The following PALS2 variants were observed in gnomAD, a reference collection of about 807,000 sequenced individuals.
PALS2 encodes protein associated with LIN7 2, MAGUK p55 family member.
In PALS2, 27 loss-of-function variants were observed where a neutral mutation model predicts 61.6. That is an observed-to-expected ratio of 0.44 (90% CI 0.32 to 0.60). The LOEUF is 0.60. PALS2 is among the 20% of genes least tolerant of loss of function. The pLI, the probability that PALS2 is intolerant of heterozygous loss-of-function variation, is 0.05. For synonymous variants in PALS2, 236 were observed against 218.6 expected, an observed-to-expected ratio of 1.08 and a Z score of -0.70; for missense variants, 554 against 639.4, an observed-to-expected ratio of 0.87 and a Z score of 1.44.
At chr7:24,608,213 T>A (rs1474585298) in intron 1 of PALS2, among the ~76,000 whole-genome samples, 1 of 152,166 alleles carries the variant, frequency 6.6e-6, no homozygotes, top group Non-Finnish European at 1.5e-5. Context: ...CATGCAGGTT[T>A]GATTATTGTT....
In PALS2 at chr7:24,624,837, A is replaced by T. The variant is rs1784673110; in HGVS notation, c.117+1053A>T. On this transcript the variant is annotated intron_variant, in intron 2 of 11. Transcript: ENST00000222644. ...GGCGCAGGCTGGTCTCGAACTCCTG[A>T]CCTCACATGATCCACCCACCTTGGC... 1.3e-5 allele frequency among the ~76,000 whole-genome samples: 2 copies of T among 151,658 alleles called. 1 individual carries two copies. Among genetic ancestry groups the T allele is most frequent in the Admixed American group, 1.3e-4 (2 of 15,216 alleles).
intron 11 of PALS2, among the ~76,000 whole-genome samples, chr7:24,681,135 A>C (rs1787904460): frequency 6.6e-6 from 1 of 152,200 alleles, no homozygotes; most frequent in Non-Finnish European, 1.5e-5. Context: ...CGAGATCATT[A>C]ACAGGCATGT....
At chr7:24,672,601 C>T (rs1490867694) in intron 9 of PALS2, among the ~76,000 whole-genome samples, 2 of 152,150 alleles carry the variant, frequency 1.3e-5, no homozygotes, top group African/African-American at 4.8e-5. Flanking sequence ...TTATGGTTTT[C>T]ATTGTACAAA....
At chr7:24,678,877 C>T (rs190958797) in intron 9 of PALS2, among the ~76,000 whole-genome samples, 1 of 152,264 alleles carries the variant, frequency 6.6e-6, no homozygotes, top group East Asian at 1.9e-4. Context: ...TTTTAGGCTT[C>T]GCAGTCCATA....
chr7:24,690,122 T>G lies in PALS2; in HGVS notation c.*2508T>G, dbSNP rs999808938. 15 of 152,356 alleles carry G rather than the reference T, an allele frequency of 9.8e-5. No homozygotes were observed. Among genetic ancestry groups the G allele is most frequent in the Admixed American group, 4.6e-4 (7 of 15,300 alleles). 9.4% of individuals were successfully genotyped at this position (152,356 alleles called of 1,614,324 possible). A position where few individuals can be genotyped will look rare whatever the true frequency, so the allele number is the denominator to read the frequency against. ...TTTCTCCTAATATAAAATGAAATGA[T>G]GCAGTTTAGTTCATTTCAGTCTAGA... is the stretch of plus-strand genomic sequence containing the variant. On this transcript the variant is annotated 3_prime_UTR_variant, in exon 12 of 12. Transcript: ENST00000222644.
intron 1 of PALS2, among the ~76,000 whole-genome samples, chr7:24,621,966 C>G (rs998242621): frequency 2.0e-5 from 3 of 151,952 alleles, no homozygotes; most frequent in Admixed American, 6.6e-5. Context: ...TGTCTTGGCA[C>G]ATTGTCAGAA....
chr7:24,591,574 T>C (rs1184546478), intron 1 of PALS2, among the ~76,000 whole-genome samples: 3 of 152,136 alleles, frequency 2.0e-5, no homozygotes, highest in African/African-American at 7.2e-5. Context: ...ACTAATTTTG[T>C]GTTAGAGATA....
chr7:24,687,026 T>C lies in PALS2; in HGVS notation c.1447-412T>C, dbSNP rs1321745660. On this transcript the variant is annotated intron_variant, in intron 11 of 11. Transcript: ENST00000222644. This position sits in a 1 kb window ranked among gnomAD's most constrained non-coding sequence, Gnocchi z 4.5. ...GAGGTAGCAAGTTTGGCTTTGAGCT[T>C]AACAGCCACTGCAAATTGGGTACCA... 6.6e-6 allele frequency among the ~76,000 whole-genome samples: 1 copy of C among 152,208 alleles called. No individual in the cohort carries two copies. Among genetic ancestry groups the C allele is most frequent in the Non-Finnish European group, 1.5e-5 (1 of 68,026 alleles).
chr7:24,629,493 C>G (rs929960854), intron 2 of PALS2, among the ~76,000 whole-genome samples: 1 of 151,940 alleles, frequency 6.6e-6, no homozygotes, highest in Admixed American at 6.6e-5. Flanking sequence ...CAAATGGGAT[C>G]TAACTAAAGA....
intron 1 of PALS2, among the ~76,000 whole-genome samples, chr7:24,615,816 A>G (rs1289579193): frequency 6.6e-6 from 1 of 152,146 alleles, no homozygotes; most frequent in African/African-American, 2.4e-5. Flanking sequence ...CCTCAACAAT[A>G]TTATCAAACC....
At chr7:24,648,769 G>A (rs1274618583) in intron 3 of PALS2, among the ~76,000 whole-genome samples, 1 of 151,866 alleles carries the variant, frequency 6.6e-6, no homozygotes, top group Non-Finnish European at 1.5e-5. Flanking sequence ...GCTGGGCATG[G>A]TGGCATGCGC....
chr7:24,660,104 G>C (rs1417170036), intron 5 of PALS2, among the ~76,000 whole-genome samples: 1 of 152,144 alleles, frequency 6.6e-6, no homozygotes, highest in African/African-American at 2.4e-5. Flanking sequence ...CATCTTGAAA[G>C]ACATTGTTTC....
intron 1 of PALS2, among the ~76,000 whole-genome samples, chr7:24,609,871 C>G (rs17149758): frequency 0.14 from 21,447 of 152,056 alleles, 2,009 homozygotes; most frequent in East Asian, 0.47. Flanking sequence ...TGTGCCTGCA[C>G]TTTGTTGTTG....
chr7:24,624,605 C>CTTCTTCTTTTT (rs1554302487), intron 2 of PALS2, among the ~76,000 whole-genome samples: 26 of 86,358 alleles, frequency 3.0e-4, no homozygotes, highest in African/African-American at 1.7e-3. Context: ...GCAGATTCTT[C>CTTCTTCTTTTT]TTTTTTTTTT....
chr7:24,616,961 G>A (rs1401845252), intron 1 of PALS2, among the ~76,000 whole-genome samples: 2 of 152,092 alleles, frequency 1.3e-5, no homozygotes, highest in Non-Finnish European at 2.9e-5. Flanking sequence ...TATCTCCCAA[G>A]ACTTGGGAAG....
At chr7:24,626,811 A>G (rs1784765459) in intron 2 of PALS2, among the ~76,000 whole-genome samples, 1 of 152,248 alleles carries the variant, frequency 6.6e-6, no homozygotes, top group African/African-American at 2.4e-5. Flanking sequence ...CAATGCAACA[A>G]GAAGAGCTAA....
At chr7:24,636,114 A>G (rs2128066706) in intron 2 of PALS2, among the ~76,000 whole-genome samples, 1 of 151,200 alleles carries the variant, frequency 6.6e-6, no homozygotes, top group African/African-American at 2.4e-5. Flanking sequence ...CAGGAGGCTG[A>G]GGCAGGAGAA....
At chr7:24,630,025 C>T (rs921374275) in intron 2 of PALS2, among the ~76,000 whole-genome samples, 7 of 152,110 alleles carry the variant, frequency 4.6e-5, no homozygotes, top group Non-Finnish European at 7.3e-5. Flanking sequence ...GACACATGCA[C>T]ATGTATGTTT....
intron 1 of PALS2, among the ~76,000 whole-genome samples, chr7:24,580,823 A>G (rs1010278904): frequency 1.2e-4 from 18 of 152,202 alleles, no homozygotes; most frequent in African/African-American, 4.3e-4. Context: ...GTTAATGCTG[A>G]TGTAAACATT....
Sources: allele counts gnomAD v4.1 joint callset (sites outside exome capture counted in the v4.1 genomes callset), GRCh38; gene constraint gnomAD v4.1.1; non-coding constraint Gnocchi (gnomAD v3.1); transcripts MANE v1.5; gene names NCBI Gene and HGNC (gene_info 2026-07-23, HGNC 2026-07-21).